PROZ: variants seen among roughly 807,000 people sequenced by gnomAD.
PROZ encodes the protein protein Z, vitamin K dependent plasma glycoprotein.
PROZ carries 46 observed loss-of-function variants against 34.9 expected under a neutral mutation model. The observed-to-expected ratio is 1.32, with a 90% CI of 1.04 to 1.69. The LOEUF (loss-of-function observed/expected upper bound fraction) is 1.69. Ranked by LOEUF, PROZ falls within the 40% of genes most tolerant of loss-of-function variation. PROZ has a pLI of 0.00. For synonymous variants in PROZ, 195 were observed against 208.5 expected (o/e 0.94, Z 0.56); for missense variants, 530 against 520.4 (o/e 1.02, Z -0.18).
At chr13:113,165,273 A>G (rs2036893025) in intron 6 of PROZ, 153 bp downstream of exon 6, 4 of 752,774 alleles carry the variant, frequency 5.3e-6, no homozygotes, top group Admixed American at 4.0e-5. Context: ...TCACACTTCC[A>G]ACCATGTTCT....
Position 113,170,545 on chromosome 13 carries a change from A to T in PROZ, c.691+15A>T, listed in dbSNP as rs2037081494. On this transcript the variant is annotated intron_variant, in intron 7 of 7. Transcript: ENST00000375547. ...TGTAAAAACATGTAAGTATTTTATC[A>T]TGAGTTTTTATAAAACCACATTGGA... 1 of 1,444,008 alleles carries T rather than the reference A, an allele frequency of 6.9e-7. No individual in the cohort carries two copies. The highest frequency in any genetic ancestry group is 9.7e-7 in the Non-Finnish European group (1 of 1,025,786). 89.4% of individuals were successfully genotyped at this position (1,444,008 alleles called of 1,614,324 possible).
At chr13:113,163,187 C>A in intron 4 of PROZ, 65 bp downstream of exon 4, 1 of 1,343,070 alleles carries the variant, frequency 7.4e-7, no homozygotes, top group Non-Finnish European at 1.0e-6. Flanking sequence ...ACATCCTCGG[C>A]CAGAGTCCCA....
At chr13:113,169,491 G>A (rs1190077394) in intron 6 of PROZ, among the ~76,000 whole-genome samples, 1 of 152,158 alleles carries the variant, frequency 6.6e-6, no homozygotes, top group African/African-American at 2.4e-5. Flanking sequence ...CCAGACATGT[G>A]AATTTTATCC....
rs2037133503 is a variant in PROZ at position 113,172,370 on chromosome 13, C to A, written c.*265C>A. On this transcript the variant is annotated 3_prime_UTR_variant, in exon 8 of 8. Transcript: ENST00000375547. The stretch of plus-strand genomic sequence containing the variant: ...ACGTTAAATAATAAAATAAGATAAT[C>A]TGTCAGTCATAAAGCAGCCTGGTTT... 8.1e-6 allele frequency: 4 copies of A among 491,280 alleles called. No homozygotes were observed. The South Asian group carries it at 8.3e-5, about 10-fold the overall frequency. 30.4% of individuals were successfully genotyped at this position (491,280 alleles called of 1,614,324 possible).
At chr13:113,168,187 G>GA (rs1304096436) in intron 6 of PROZ, among the ~76,000 whole-genome samples, 8 of 152,194 alleles carry the variant, frequency 5.3e-5, no homozygotes, top group Non-Finnish European at 1.0e-4. Context: ...AAAGAATAAG[G>GA]AAAAAAACCT....
chr13:113,160,090 C>A lies in PROZ; in HGVS notation c.147C>A (p.Leu49=). Residue 49 remains leucine (L), a synonymous_variant, in exon 2 of 8, where the codon CTC becomes CTA. Coordinates refer to ENST00000375547, the MANE Select transcript of PROZ (RefSeq NM_003891.3). The part of the protein sequence containing the change: ...KRAGSYLLEE[L]FEGNLEKECY... ...CGGGCTCCTATCTTCTGGAAGAACT[C>A]TTCGAGGGAAACTTGGAAAAAGAAT... The A allele has an allele frequency of 6.2e-7, 1 of 1,614,144 alleles. No individual in the cohort carries two copies. The highest frequency in any genetic ancestry group is 2.2e-5 in the East Asian group (1 of 44,890).
At position 113,164,524 on chromosome 13, in the gene PROZ, T is replaced by C. The variant is rs768656460; in HGVS notation, c.385T>C (p.Cys129Arg). ...TTTTTCCTTTTCAGCTAAAAATGAA[T>C]GTCACCCAGAGCGGACTGATGGGTG... is the stretch of plus-strand genomic sequence containing the variant. ...GSNCELAKNE[C>R]HPERTDGCQH... Residue 129 changes from cysteine to arginine, a missense_variant, in exon 5 of 8, where the codon TGT becomes CGT. Physicochemically the swap from Cys to Arg is radical, Grantham distance 180. Transcript: ENST00000375547. 6 of 1,612,392 alleles carry C rather than the reference T, an allele frequency of 3.7e-6. No individual in the cohort carries two copies. Among genetic ancestry groups the C allele is most frequent in the Admixed American group, 1.7e-5 (1 of 59,828 alleles).
rs1182732398 is a variant in PROZ at position 113,171,323 on chromosome 13, T to C, written c.692-271T>C. ...TTCCACATCACTGCTTCCTGCTTTT[T>C]AATCATTTCACCACACCCCACTGCA... On this transcript the variant is annotated intron_variant, in intron 7 of 7. Transcript: ENST00000375547. This position sits in a 1 kb window ranked among gnomAD's most constrained non-coding sequence, Gnocchi z 5.1. Among the ~76,000 whole-genome samples the C allele has an allele frequency of 6.6e-6, 1 of 152,216 alleles. No individual in the cohort carries two copies. The highest frequency in any genetic ancestry group is 1.5e-5 in the Non-Finnish European group (1 of 68,030).
In PROZ at chr13:113,165,069, G is replaced by T. The variant is rs762332808; in HGVS notation, c.522G>T (p.Gly174=). 5 of 1,613,332 alleles carry T rather than the reference G, an allele frequency of 3.1e-6. No homozygotes were observed. The South Asian group carries it at 5.5e-5, about 18-fold the overall frequency. The change falls in exon 6 of 8, where the codon GGG becomes GGT. Residue 174 remains glycine (G), a synonymous_variant. Coordinates refer to ENST00000375547, the MANE Select transcript of PROZ (RefSeq NM_003891.3). ...CAAATGCAGACCAGTGTGCCTGCGG[G>T]GTGCTGACCTCTGAGAAGCGTGCAC... ...QCVPHDQCAC[G]VLTSEKRAPD... is the part of the protein sequence containing the mutation.
chr13:113,159,155 C>A lies in PROZ; in HGVS notation c.70+425C>A. On this transcript the variant is annotated intron_variant, in intron 1 of 7. Transcript: ENST00000375547. This position sits in a 1 kb window ranked among gnomAD's most constrained non-coding sequence, Gnocchi z 4.6. ...CCAGTCTTGAGTCAGGAGACATAGC[C>A]AGGGAGCAGCCACCCTGCCTGCCTG... is the stretch of plus-strand genomic sequence containing the variant. The A allele has an allele frequency of 1.4e-6, 2 of 1,407,324 alleles. No individual in the cohort carries two copies. The highest frequency in any genetic ancestry group is 2.0e-6 in the Non-Finnish European group (2 of 1,016,816). The allele number at this position is 1,407,324 out of a possible 1,614,324, so 87.2% of individuals were successfully genotyped here. A position where few individuals can be genotyped will look rare whatever the true frequency, so the allele number is the denominator to read the frequency against.
At position 113,159,338 on chromosome 13, in the gene PROZ, G is replaced by A; in HGVS notation, c.70+608G>A. 3 of 1,430,602 alleles carry A rather than the reference G, an allele frequency of 2.1e-6. No individual in the cohort carries two copies. Among genetic ancestry groups the A allele is most frequent in the Non-Finnish European group, 2.9e-6 (3 of 1,038,836 alleles). 88.6% of individuals were successfully genotyped at this position (1,430,602 alleles called of 1,614,324 possible). A position where few individuals can be genotyped will look rare whatever the true frequency, so the allele number is the denominator to read the frequency against. On this transcript the variant is annotated intron_variant, in intron 1 of 7. Transcript: ENST00000375547. This position sits in a 1 kb window ranked among gnomAD's most constrained non-coding sequence, Gnocchi z 4.6. ...GCCCCATGGTCTCCCACCCTGAGAG[G>A]GTGATCCCCCCGCCCTGCCCTGCCC... is the stretch of plus-strand genomic sequence containing the variant.
At chr13:113,164,373 C>G in intron 4 of PROZ, 140 bp from the exon 5 acceptor site, 1 of 942,968 alleles carries the variant, frequency 1.1e-6, no homozygotes, top group Non-Finnish European at 1.6e-6. Context: ...AGAATGAGAA[C>G]ACATGGACCA....
At chr13:113,162,935 A>ACCCCCCCC in intron 3 of PROZ, 74 bp from the exon 4 acceptor site, 1 of 621,288 alleles carries the variant, frequency 1.6e-6, no homozygotes, top group Non-Finnish European at 2.4e-6. Flanking sequence ...CATTCCTGTC[A>ACCCCCCCC]CCACCCCCAC....
rs941667770 is a variant in PROZ, at chr13:113,159,918, G to T, written c.71-96G>T. The T allele has an allele frequency of 3.5e-5, 51 of 1,459,544 alleles. No individual in the cohort carries two copies. Among genetic ancestry groups the T allele is most frequent in the Non-Finnish European group, 4.7e-5 (49 of 1,042,632 alleles). The allele number at this position is 1,459,544 out of a possible 1,614,324, so 90.4% of individuals were successfully genotyped here. On this transcript the variant is annotated intron_variant, in intron 1 of 7. Transcript: ENST00000375547. The surrounding 1 kb of genome is among the most constrained non-coding windows in gnomAD (Gnocchi z 4.6). Reference sequence around the variant, plus strand: ...CTGAGAGCCTGTGGAGACGGACGGGGCTGGGGCTGGCGGCCGGCCGGGGAG... The same window carrying T: ...CTGAGAGCCTGTGGAGACGGACGGGTCTGGGGCTGGCGGCCGGCCGGGGAG...
At chr13:113,164,176 C>CG (rs1308801957) in intron 4 of PROZ, among the ~76,000 whole-genome samples, 1 of 152,020 alleles carries the variant, frequency 6.6e-6, no homozygotes, top group Non-Finnish European at 1.5e-5. Flanking sequence ...GATGGGGTTT[C>CG]ACCATGTTGG....
At chr13:113,162,747 G>C (rs199827108) in intron 3 of PROZ, among the ~76,000 whole-genome samples, 14 of 65,298 alleles carry the variant, frequency 2.1e-4, no homozygotes, top group Middle Eastern at 0.01. Context: ...TCCTGCTCAG[G>C]TCCCCGTCCC....
In PROZ at chr13:113,172,079, C is replaced by G. The variant is rs1462775397; in HGVS notation, c.1177C>G (p.Leu393Val). The part of the protein sequence containing the change: ...VLVTKVSRYS[L>V]WFKQIMN ...TGTCACCAAGGTCTCCAGGTACTCACTCTGGTTTAAACAGATCATGAACTA... is the reference window on the plus strand; with the variant it reads ...TGTCACCAAGGTCTCCAGGTACTCAGTCTGGTTTAAACAGATCATGAACTA... Residue 393 changes from leucine (L) to valine (V), a missense_variant, in exon 8 of 8, where the codon CTC becomes GTC. Leu to Val is a conservative substitution (Grantham distance 32). Coordinates refer to ENST00000375547, the MANE Select transcript of PROZ (RefSeq NM_003891.3). 3 of 1,612,986 alleles carry G rather than the reference C, an allele frequency of 1.9e-6. No individual in the cohort carries two copies. The highest frequency in any genetic ancestry group is 2.7e-5 in the African/African-American group (2 of 75,056).
chr13:113,160,986 T>C lies in PROZ; in HGVS notation c.259+14T>C, dbSNP rs779354070. On this transcript the variant is annotated intron_variant, in intron 3 of 7. Transcript: ENST00000375547. ...GACGATATAAGGGTAAGTGGTTTCCTTCGTCTCCTCAGAAGTATTAATTCC... is the reference window on the plus strand; with the variant it reads ...GACGATATAAGGGTAAGTGGTTTCCCTCGTCTCCTCAGAAGTATTAATTCC... 6.2e-7 allele frequency: 1 copy of C among 1,604,234 alleles called. No individual in the cohort carries two copies. The highest frequency in any genetic ancestry group is 1.1e-5 in the South Asian group (1 of 90,846).
rs946940189 is a variant in PROZ at position 113,165,064 on chromosome 13, T to A, written c.517T>A (p.Cys173Ser). The change falls in exon 6 of 8, where the codon TGC becomes AGC. Residue 173 changes from cysteine (C) to serine (S), a missense_variant. Coordinates refer to ENST00000375547, the MANE Select transcript of PROZ (RefSeq NM_003891.3). ...TGCCGCAAATGCAGACCAGTGTGCCTGCGGGGTGCTGACCTCTGAGAAGCG... is the reference window on the plus strand; with the variant it reads ...TGCCGCAAATGCAGACCAGTGTGCCAGCGGGGTGCTGACCTCTGAGAAGCG... ...KQCVPHDQCA[C>S]GVLTSEKRAP... 1.9e-6 allele frequency: 3 copies of A among 1,613,310 alleles called. No homozygotes were observed. The East Asian group carries it at 6.7e-5, about 36-fold the overall frequency.
Sources: allele counts gnomAD v4.1 joint callset (sites outside exome capture counted in the v4.1 genomes callset), GRCh38; gene constraint gnomAD v4.1.1; non-coding constraint Gnocchi (gnomAD v3.1); transcripts MANE v1.5; gene names NCBI Gene and HGNC (gene_info 2026-07-23, HGNC 2026-07-21).